The following CPSF2 variants were observed in gnomAD, a reference collection of about 807,000 sequenced individuals.
CPSF2 encodes the protein cleavage and polyadenylation specificity factor subunit 2.
Under a neutral mutation model 84.2 loss-of-function variants are expected in CPSF2, and 51 were observed. The observed-to-expected ratio is 0.61, with a 90% CI of 0.48 to 0.77. The LOEUF (loss-of-function observed/expected upper bound fraction) is 0.77, where lower values mean the gene tolerates loss of function less well. Ranked by LOEUF, CPSF2 falls within the 30% of genes least tolerant of loss-of-function variation. The probability of loss-of-function intolerance (pLI) is 0.00; values close to 1 mark genes in which losing one functional copy is unlikely to be tolerated. For synonymous variants in CPSF2, 286 were observed against 311.9 expected (o/e 0.92, Z 0.87); for missense variants, 641 against 929.4 (o/e 0.69, Z 4.03).
chr14:92,138,152 G>A, intron 6 of CPSF2, 80 bp from the exon 7 acceptor site: 1 of 615,528 alleles, frequency 1.6e-6, no homozygotes, highest in South Asian at 3.0e-5. Context: ...AAATGAAGCT[G>A]CTTATTTTTT....
In CPSF2 at chr14:92,157,933, GC is replaced by G. The variant is rs1441723914; in HGVS notation, c.1821+50del. 1 of 1,312,992 alleles carries G rather than the reference GC, an allele frequency of 7.6e-7. No individual in the cohort carries two copies. Among genetic ancestry groups the G allele is most frequent in the Non-Finnish European group, 1.1e-6 (1 of 907,806 alleles). The allele number at this position is 1,312,992 out of a possible 1,614,324, so 81.3% of individuals were successfully genotyped here. A position where few individuals can be genotyped will look rare whatever the true frequency, so the allele number is the denominator to read the frequency against. On this transcript the variant is annotated intron_variant, in intron 13 of 15. Transcript: ENST00000298875. The surrounding 1 kb of genome is among the most constrained non-coding windows in gnomAD (Gnocchi z 4.0). Reference sequence around the variant, plus strand: ...TGAGTAGAAATAAGTACTTTTTGTTGCAGGTTAGGACAGATAACATTAGAAA... The same window carrying G: ...TGAGTAGAAATAAGTACTTTTTGTTGAGGTTAGGACAGATAACATTAGAAA...
chr14:92,146,944 TCAG>T (rs1247404136), intron 9 of CPSF2, among the ~76,000 whole-genome samples: 4 of 152,208 alleles, frequency 2.6e-5, no homozygotes, highest in Admixed American at 2.6e-4. Flanking sequence ...CATTCAGGCC[TCAG>T]GTTTAACCCC....
chr14:92,156,723 CT>C, intron 12 of CPSF2, 92 bp downstream of exon 12: 1 of 872,880 alleles, frequency 1.1e-6, no homozygotes, highest in Non-Finnish European at 1.7e-6. Context: ...AGCAAAATTT[CT>C]GAATATTCTT....
chr14:92,151,494 G>T (rs2069216854), intron 9 of CPSF2, among the ~76,000 whole-genome samples: 1 of 151,734 alleles, frequency 6.6e-6, no homozygotes, highest in African/African-American at 2.4e-5. Flanking sequence ...ATGGTTTCAG[G>T]TTCTGCGTTA....
Position 92,138,219 on chromosome 14 carries a change from A to G in CPSF2, c.546-13A>G. On this transcript the variant is annotated splice_polypyrimidine_tract_variant and intron_variant, in intron 6 of 15. Coordinates refer to ENST00000298875, the MANE Select transcript of CPSF2 (RefSeq NM_017437.3). The stretch of plus-strand genomic sequence containing the variant: ...ATGATATAAAATATTCCTCTTCTTA[A>G]ACTTTCTTATAGCCATTTAAATGGA... The G allele has an allele frequency of 2.2e-6, 3 of 1,389,388 alleles. No individual in the cohort carries two copies. The highest frequency in any genetic ancestry group is 3.0e-6 in the Non-Finnish European group (3 of 997,978). The allele number at this position is 1,389,388 out of a possible 1,614,324, so 86.1% of individuals were successfully genotyped here.
rs984162068 is a variant in CPSF2 at position 92,166,992 on chromosome 14, T to C, written c.*5248T>C. On this transcript the variant is annotated 3_prime_UTR_variant, in exon 16 of 16. Transcript: ENST00000298875. ...TGCATTTTCATGTGAGTTTAGATTCTGCTTATCGATTTCTTTTTTTTCTTT... is the reference window on the plus strand; with the variant it reads ...TGCATTTTCATGTGAGTTTAGATTCCGCTTATCGATTTCTTTTTTTTCTTT... 2 of 150,494 alleles carry C rather than the reference T, an allele frequency of 1.3e-5. No homozygotes were observed. The highest frequency in any genetic ancestry group is 4.9e-5 in the African/African-American group (2 of 40,812). The allele number at this position is 150,494 out of a possible 1,614,324, so 9.3% of individuals were successfully genotyped here.
rs1387503028 is a variant in CPSF2, at chr14:92,167,957, G to A, written c.*6213G>A. On this transcript the variant is annotated 3_prime_UTR_variant, in exon 16 of 16. Transcript: ENST00000298875. ...TAGAATGAATTTGGATTCAATAATGGGAACTAAGGTCAGGCGTGGTGGCTC... is the reference window on the plus strand; with the variant it reads ...TAGAATGAATTTGGATTCAATAATGAGAACTAAGGTCAGGCGTGGTGGCTC... 6.7e-6 allele frequency: 1 copy of A among 149,630 alleles called. No individual in the cohort carries two copies. Among genetic ancestry groups the A allele is most frequent in the Admixed American group, 6.7e-5 (1 of 14,958 alleles). The allele number at this position is 149,630 out of a possible 1,614,324, so 9.3% of individuals were successfully genotyped here.
At chr14:92,139,901 A>G (rs1011178607) in intron 7 of CPSF2, among the ~76,000 whole-genome samples, 2 of 151,286 alleles carry the variant, frequency 1.3e-5, no homozygotes, top group Non-Finnish European at 2.9e-5. Flanking sequence ...CCATTTTTAA[A>G]CATGTTTTCA....
chr14:92,156,467 C>T lies in CPSF2; in HGVS notation c.1443-12C>T, dbSNP rs2069291739. On this transcript the variant is annotated splice_polypyrimidine_tract_variant and intron_variant, in intron 11 of 15. Coordinates refer to ENST00000298875, the MANE Select transcript of CPSF2 (RefSeq NM_017437.3). ...GCTTTTTACTGCTTCTAATTAGAGA[C>T]TTATTATTTAGACCAGAGGATTTCT... 6.2e-7 allele frequency: 1 copy of T among 1,603,170 alleles called. No individual in the cohort carries two copies. Among genetic ancestry groups the T allele is most frequent in the Admixed American group, 1.8e-5 (1 of 56,332 alleles).
chr14:92,154,241 A>T (rs1471826708), intron 9 of CPSF2, 117 bp from the exon 10 acceptor site: 1 of 620,250 alleles, frequency 1.6e-6, no homozygotes, highest in East Asian at 2.8e-5. Flanking sequence ...TTCAGAGGAA[A>T]CAATCAGTTT....
rs2141493099 is a variant in CPSF2 at position 92,167,955 on chromosome 14, T to TGG, written c.*6213_*6214dup. The TGG allele has an allele frequency of 6.7e-6, 1 of 149,224 alleles. No homozygotes were observed. The highest frequency in any genetic ancestry group is 2.1e-4 in the South Asian group (1 of 4,722). 9.2% of individuals were successfully genotyped at this position (149,224 alleles called of 1,614,324 possible). ...TGTAGAATGAATTTGGATTCAATAATGGGAACTAAGGTCAGGCGTGGTGGC... is the reference window on the plus strand; with the variant it reads ...TGTAGAATGAATTTGGATTCAATAATGGGGGAACTAAGGTCAGGCGTGGTGGC... On this transcript the variant is annotated 3_prime_UTR_variant, in exon 16 of 16. Coordinates refer to ENST00000298875, the MANE Select transcript of CPSF2 (RefSeq NM_017437.3).
chr14:92,161,286 G>T (rs765468995), intron 15 of CPSF2, 40 bp downstream of exon 15: 5 of 1,546,424 alleles, frequency 3.2e-6, no homozygotes, highest in East Asian at 2.4e-5. Flanking sequence ...GAACACATAC[G>T]TCTGATGTTT....
rs150141160 is a variant in CPSF2 at position 92,163,834 on chromosome 14, G to A, written c.*2090G>A. 2,336 of 152,706 alleles carry A rather than the reference G, an allele frequency of 0.015. 26 individuals carry two copies. Among genetic ancestry groups the A allele is most frequent in the Non-Finnish European group, 0.022 (1,528 of 68,398 alleles). 9.5% of individuals were successfully genotyped at this position (152,706 alleles called of 1,614,324 possible). A position where few individuals can be genotyped will look rare whatever the true frequency, so the allele number is the denominator to read the frequency against. On this transcript the variant is annotated 3_prime_UTR_variant, in exon 16 of 16. Transcript: ENST00000298875. ...CAACCTCTGCCTCCTGGGTTCAAGC[G>A]ATTCTCCTGCCTCAGCATCTCGAGT...
chr14:92,133,887 G>A (rs1440687258), intron 3 of CPSF2, 124 bp from the exon 4 acceptor site: 1 of 870,114 alleles, frequency 1.1e-6, no homozygotes, highest in East Asian at 2.4e-5. Flanking sequence ...CATAATTTTA[G>A]CTCTTAGTTT....
In CPSF2 at chr14:92,134,239, T is replaced by C. The variant is rs1334411929; in HGVS notation, c.310-11T>C. Reference sequence around the variant, plus strand: ...GATTGTTTTTCACCTTTATTTGTGTTATTCTTTTAGTCTCGACACAATACA... The same window carrying C: ...GATTGTTTTTCACCTTTATTTGTGTCATTCTTTTAGTCTCGACACAATACA... On this transcript the variant is annotated splice_polypyrimidine_tract_variant and intron_variant, in intron 4 of 15. Transcript: ENST00000298875. 5 of 1,611,528 alleles carry C rather than the reference T, an allele frequency of 3.1e-6. No individual in the cohort carries two copies. Among genetic ancestry groups the C allele is most frequent in the African/African-American group, 1.3e-5 (1 of 74,864 alleles).
rs534163449 is a variant in CPSF2, at chr14:92,171,432, C to T, written c.*9688C>T. 19 of 152,294 alleles carry T rather than the reference C, an allele frequency of 1.2e-4. No homozygotes were observed. Among genetic ancestry groups the T allele is most frequent in the African/African-American group, 3.9e-4 (16 of 41,558 alleles). The allele number at this position is 152,294 out of a possible 1,614,324, so 9.4% of individuals were successfully genotyped here. A position where few individuals can be genotyped will look rare whatever the true frequency, so the allele number is the denominator to read the frequency against. On this transcript the variant is annotated 3_prime_UTR_variant, in exon 16 of 16. Transcript: ENST00000298875. ...CCCCCATTGTCCAAGATTTGACTAGCGAGAGCACTTTCCAGCTAGCTCCTG... is the reference window on the plus strand; with the variant it reads ...CCCCCATTGTCCAAGATTTGACTAGTGAGAGCACTTTCCAGCTAGCTCCTG...
At position 92,161,855 on chromosome 14, in the gene CPSF2, A is replaced by T. The variant is rs1183141509; in HGVS notation, c.*111A>T. The T allele has an allele frequency of 1.6e-6, 1 of 625,316 alleles. No individual in the cohort carries two copies. The highest frequency in any genetic ancestry group is 2.7e-6 in the Non-Finnish European group (1 of 370,552). The allele number at this position is 625,316 out of a possible 1,614,324, so 38.7% of individuals were successfully genotyped here. ...GTAACATACAAAAAGAATCTGCCAG[A>T]AAAACTTACATGTATCAGATTTTTA... On this transcript the variant is annotated 3_prime_UTR_variant, in exon 16 of 16. Coordinates refer to ENST00000298875, the MANE Select transcript of CPSF2 (RefSeq NM_017437.3).
chr14:92,155,184 C>G lies in CPSF2; in HGVS notation c.1303C>G (p.His435Asp). 1 of 1,613,978 alleles carries G rather than the reference C, an allele frequency of 6.2e-7. No individual in the cohort carries two copies. The highest frequency in any genetic ancestry group is 8.5e-7 in the Non-Finnish European group (1 of 1,179,948). Residue 435 changes from histidine to aspartate, a missense_variant, in exon 11 of 16, where the codon CAT becomes GAT. By Grantham distance (81) the His-to-Asp change is moderately conservative. This residue lies in a region of CPSF2 where 430 missense variants were observed against 553.6 expected (regional missense o/e 0.78). Transcript: ENST00000298875. Reference protein sequence around the residue: ...IEEDIDQPSAHKTKHDLMMKG... With the variant: ...IEEDIDQPSADKTKHDLMMKG... ...GGAAGATATTGACCAGCCATCAGCT[C>G]ATAAGACGAAGCATGACTTGATGAT...
At chr14:92,150,523 G>A (rs376096011) in intron 9 of CPSF2, among the ~76,000 whole-genome samples, 193 of 151,914 alleles carry the variant, frequency 1.3e-3, no homozygotes, top group Middle Eastern at 3.4e-3. Flanking sequence ...GAACTTCTGC[G>A]TTCATGTGAC....
Sources: gnomAD v4.1 joint callset for allele counts (sites outside exome capture counted in the v4.1 genomes callset) on GRCh38, gnomAD v4.1.1 for gene constraint, gnomAD v4.1.1 regional missense constraint, Gnocchi (gnomAD v3.1) non-coding constraint, MANE v1.5 for transcripts, NCBI Gene and HGNC (gene_info 2026-07-23, HGNC 2026-07-21) for gene names.